The following CRYBB1 variants were observed in gnomAD, a reference collection of about 807,000 sequenced individuals.
CRYBB1 encodes the protein crystallin beta B1.
A neutral mutation model predicts 29.5 loss-of-function variants in CRYBB1; 16 were observed. That is an observed-to-expected ratio of 0.54 (90% CI 0.37 to 0.82). CRYBB1 has a LOEUF of 0.82. CRYBB1 is among the 40% of genes least tolerant of loss of function. The pLI is 0.00. For synonymous variants in CRYBB1, 127 were observed against 136.7 expected (o/e 0.93, Z 0.49); for missense variants, 300 against 350.5 (o/e 0.86, Z 1.15).
At chr22:26,614,905 A>G (rs756897636) in intron 2 of CRYBB1, among the ~76,000 whole-genome samples, 3 of 152,178 alleles carry the variant, frequency 2.0e-5, no homozygotes, top group Non-Finnish European at 4.4e-5. Flanking sequence ...ATAAAATTGT[A>G]TACAAAAGCA....
chr22:26,606,591 G>T (rs78165948), intron 4 of CRYBB1, among the ~76,000 whole-genome samples: 2,231 of 152,312 alleles, frequency 0.015, 27 homozygotes, highest in East Asian at 0.038. Context: ...ATGATTGAGA[G>T]AGACATCTGT....
intron 3 of CRYBB1, among the ~76,000 whole-genome samples, chr22:26,609,282 G>T (rs576338215): frequency 6.6e-6 from 1 of 152,312 alleles, no homozygotes; most frequent in South Asian, 2.1e-4. Flanking sequence ...AACCACACTG[G>T]AGTAAATTAA....
chr22:26,611,544 G>A (rs1008654490), intron 3 of CRYBB1, among the ~76,000 whole-genome samples: 12 of 149,682 alleles, frequency 8.0e-5, no homozygotes, highest in Non-Finnish European at 1.2e-4. Flanking sequence ...GCGCAATCTC[G>A]GCTCACTGCA....
chr22:26,607,923 C>A lies in CRYBB1; in HGVS notation c.398G>T (p.Ser133Ile). ...GGGCCGGAAGGACATGAGCCGATCACTGCGGTAGCTGCTCGACCATGTGTT... is the reference window on the plus strand; with the variant it reads ...GGGCCGGAAGGACATGAGCCGATCAATGCGGTAGCTGCTCGACCATGTGTT... ...RWNTWSSSYR[S>I]DRLMSFRPIK... The change falls in exon 4 of 6, where the codon AGT becomes ATT. Residue 133 changes from serine to isoleucine, a missense_variant. Ser to Ile is a moderately radical substitution (Grantham distance 142). Coordinates refer to ENST00000647684, the MANE Select transcript of CRYBB1 (RefSeq NM_001887.4). 6.2e-7 allele frequency: 1 copy of A among 1,614,234 alleles called. No homozygotes were observed. Among genetic ancestry groups the A allele is most frequent in the South Asian group, 1.1e-5 (1 of 91,092 alleles).
At position 26,599,506 on chromosome 22, in the gene CRYBB1, G is replaced by C; in HGVS notation, c.743C>G (p.Thr248Arg). The change falls in exon 6 of 6, where the codon ACA (threonine) becomes AGA (arginine). Residue 248 changes from threonine to arginine, a missense_variant. Transcript: ENST00000647684. Reference sequence around the variant, plus strand: ...GGTGTGGACTCACTTGGGGGGCTCTGTGGCCAGGACAGGGAAGGACCCCTC... The same window carrying C: ...GGTGTGGACTCACTTGGGGGGCTCTCTGGCCAGGACAGGGAAGGACCCCTC... ...HLEGSFPVLA[T>R]EPPK 2.5e-6 allele frequency: 4 copies of C among 1,612,792 alleles called. No homozygotes were observed. The highest frequency in any genetic ancestry group is 3.4e-6 in the Non-Finnish European group (4 of 1,179,814).
At chr22:26,614,720 G>A (rs888278186) in intron 2 of CRYBB1, among the ~76,000 whole-genome samples, 1 of 152,136 alleles carries the variant, frequency 6.6e-6, no homozygotes. Flanking sequence ...GGCCAGTTGC[G>A]GTGGCTCACA....
At chr22:26,605,327 G>T (rs1200483316) in intron 4 of CRYBB1, among the ~76,000 whole-genome samples, 2 of 152,166 alleles carry the variant, frequency 1.3e-5, no homozygotes, top group East Asian at 3.9e-4. Flanking sequence ...CAGGGACCTA[G>T]TCTGTTTGAT....
intron 4 of CRYBB1, among the ~76,000 whole-genome samples, chr22:26,605,534 C>T (rs776529270): frequency 2.6e-5 from 4 of 151,870 alleles, no homozygotes; most frequent in Non-Finnish European, 5.9e-5. Flanking sequence ...ATTATCTGGG[C>T]GTGGCGGTGC....
intron 1 of CRYBB1, among the ~76,000 whole-genome samples, chr22:26,617,107 A>G (rs1337163303): frequency 2.0e-5 from 3 of 152,068 alleles, no homozygotes; most frequent in Non-Finnish European, 4.4e-5. Context: ...CCGGGGACTG[A>G]GGCTTATGGG....
At chr22:26,607,322 A>G (rs1342582579) in intron 4 of CRYBB1, among the ~76,000 whole-genome samples, 1 of 152,078 alleles carries the variant, frequency 6.6e-6, no homozygotes, top group South Asian at 2.1e-4. Flanking sequence ...ATGCCCGGCT[A>G]CAATATCCCT....
chr22:26,601,016 T>G (rs1186361421), intron 5 of CRYBB1, among the ~76,000 whole-genome samples: 1 of 152,206 alleles, frequency 6.6e-6, no homozygotes, highest in Non-Finnish European at 1.5e-5. Context: ...CTTTCCCCAG[T>G]GTACCTAGCA....
chr22:26,599,793 G>A, intron 5 of CRYBB1, 120 bp from the exon 6 acceptor site: 1 of 801,112 alleles, frequency 1.2e-6, no homozygotes, highest in Non-Finnish European at 2.1e-6. Context: ...TCTCACTTCT[G>A]TCCTGGCTAT....
intron 5 of CRYBB1, among the ~76,000 whole-genome samples, chr22:26,601,184 AC>A (rs1396902263): frequency 6.6e-6 from 1 of 152,186 alleles, no homozygotes; most frequent in African/African-American, 2.4e-5. Context: ...ACAGAGCCTT[AC>A]GTTTACCTAG....
chr22:26,616,793 A>G (rs934118567), intron 1 of CRYBB1, among the ~76,000 whole-genome samples: 11 of 152,228 alleles, frequency 7.2e-5, no homozygotes, highest in Non-Finnish European at 1.3e-4. Flanking sequence ...AGTAGCTGCT[A>G]TCATGATCCC....
chr22:26,607,101 C>A (rs1321221694), intron 4 of CRYBB1, among the ~76,000 whole-genome samples: 2 of 147,370 alleles, frequency 1.4e-5, no homozygotes, highest in Non-Finnish European at 3.0e-5. Context: ...CGGCTCACTG[C>A]AACCTCTGGC....
At chr22:26,617,507 C>T (rs186231029) in intron 1 of CRYBB1, among the ~76,000 whole-genome samples, 20 of 152,318 alleles carry the variant, frequency 1.3e-4, no homozygotes, top group Non-Finnish European at 2.1e-4. Flanking sequence ...ATCTGGACCA[C>T]ATCTGTGGCT....
Position 26,601,892 on chromosome 22 carries a change from C to A in CRYBB1, c.562G>T (p.Val188Phe). 2 of 1,612,076 alleles carry A rather than the reference C, an allele frequency of 1.2e-6. No homozygotes were observed. Among genetic ancestry groups the A allele is most frequent in the South Asian group, 2.2e-5 (2 of 90,984 alleles). The change falls in exon 5 of 6, where the codon GTC becomes TTC. Residue 188 changes from valine (V) to phenylalanine (F), a missense_variant. Val to Phe is a conservative substitution (Grantham distance 50). Transcript: ENST00000647684. ...AGGGATGCTTACGTTCCACTGGAGACCTTCACGCTGCCCACGCGGTCACTG... is the reference window on the plus strand; with the variant it reads ...AGGGATGCTTACGTTCCACTGGAGAACTTCACGCTGCCCACGCGGTCACTG... ...GFSDRVGSVK[V>F]SSGTWVGYQY...
rs1311552565 is a variant in CRYBB1, at chr22:26,601,995, C to G, written c.459G>C (p.Leu153=). 6.2e-7 allele frequency: 1 copy of G among 1,613,826 alleles called. No individual in the cohort carries two copies. Among genetic ancestry groups the G allele is most frequent in the Non-Finnish European group, 8.5e-7 (1 of 1,179,900 alleles). The change falls in exon 5 of 6, where the codon CTG becomes CTC. Residue 153 remains leucine (L), a synonymous_variant. Coordinates refer to ENST00000647684, the MANE Select transcript of CRYBB1 (RefSeq NM_001887.4). Reference sequence around the variant, plus strand: ...TGCCCTTGAAGTTGGCCCCTTCAAACAGGGAGATTTTGTGCTCCTGGGCAT... The same window carrying G: ...TGCCCTTGAAGTTGGCCCCTTCAAAGAGGGAGATTTTGTGCTCCTGGGCAT... ...KMDAQEHKIS[L]FEGANFKGNT... is the part of the protein sequence containing the mutation.
chr22:26,611,651 T>C (rs969684924), intron 3 of CRYBB1, among the ~76,000 whole-genome samples: 1 of 151,806 alleles, frequency 6.6e-6, no homozygotes, highest in Non-Finnish European at 1.5e-5. Flanking sequence ...ATTTTTTGTA[T>C]TTTTAGTAGA....
Sources: gnomAD v4.1 joint callset for allele counts (sites outside exome capture counted in the v4.1 genomes callset) on GRCh38, gnomAD v4.1.1 for gene constraint, MANE v1.5 for transcripts, NCBI Gene and HGNC (gene_info 2026-07-23, HGNC 2026-07-21) for gene names.